SLC9A9: variants seen among roughly 807,000 people sequenced by gnomAD.
The protein encoded by SLC9A9 is solute carrier family 9 member A9.
Under a neutral mutation model 77.8 loss-of-function variants are expected in SLC9A9, and 62 were observed. The observed-to-expected ratio is 0.80, with a 90% CI of 0.65 to 0.98. The LOEUF is 0.98. Among genes scored for constraint, SLC9A9 ranks in the 50% least tolerant of loss-of-function variants. The pLI is 0.00. For missense variants in SLC9A9, 775 were observed against 774.9 expected (o/e 1.00, Z 0.00); for synonymous variants, 320 against 283.5 (o/e 1.13, Z -1.29).
Position 143,437,506 on chromosome 3 carries a change from C to T in SLC9A9, c.1469+29531G>A, listed in dbSNP as rs141154124. 7.9e-5 allele frequency among the ~76,000 whole-genome samples: 12 copies of T among 152,280 alleles called. No individual in the cohort carries two copies. The East Asian group carries it at 1.7e-3, about 22-fold the overall frequency. Reference sequence around the variant, plus strand: ...ACTGCGTCCTGCTTCCTTTGAGGCACGATAGTGTATTGCACTAAAGATCTA... The same window carrying T: ...ACTGCGTCCTGCTTCCTTTGAGGCATGATAGTGTATTGCACTAAAGATCTA... On this transcript the variant is annotated intron_variant, in intron 12 of 15. Coordinates refer to ENST00000316549, the MANE Select transcript of SLC9A9 (RefSeq NM_173653.4).
intron 5 of SLC9A9, among the ~76,000 whole-genome samples, chr3:143,678,280 C>G (rs945173436): frequency 6.6e-6 from 1 of 152,058 alleles, no homozygotes; most frequent in African/African-American, 2.4e-5. Context: ...TTTATGGTGT[C>G]TTTTCCACTT....
chr3:143,800,031 C>A (rs1427114866), intron 2 of SLC9A9, among the ~76,000 whole-genome samples: 1 of 152,202 alleles, frequency 6.6e-6, no homozygotes, highest in Non-Finnish European at 1.5e-5. Flanking sequence ...TCCCCACCTG[C>A]CCAGCTCCCT....
rs183072212 is a variant in SLC9A9 at position 143,795,970 on chromosome 3, T to C, written c.456+856A>G. On this transcript the variant is annotated intron_variant, in intron 3 of 15. Transcript: ENST00000316549. ...CTGGAGTACACACAAGAAAATCAGGTCTGTGATGAACAAGCTGCCTGGCTG... is the reference window on the plus strand; with the variant it reads ...CTGGAGTACACACAAGAAAATCAGGCCTGTGATGAACAAGCTGCCTGGCTG... 3.1e-4 allele frequency among the ~76,000 whole-genome samples: 47 copies of C among 152,098 alleles called. 1 individual carries two copies. The highest frequency in any genetic ancestry group is 6.8e-3 in the Middle Eastern group (2 of 294).
At chr3:143,533,238 G>T (rs187404189) in intron 9 of SLC9A9, among the ~76,000 whole-genome samples, 1 of 152,310 alleles carries the variant, frequency 6.6e-6, no homozygotes, top group East Asian at 1.9e-4. Context: ...GGCTCACAGC[G>T]ACCTGGGGGC....
chr3:143,473,189 T>C (rs1444204619), intron 11 of SLC9A9, among the ~76,000 whole-genome samples: 1 of 152,208 alleles, frequency 6.6e-6, no homozygotes, highest in Non-Finnish European at 1.5e-5. Flanking sequence ...ACAACCTGCC[T>C]GTGCCCCGAA....
chr3:143,726,046 G>A (rs1259348235), intron 4 of SLC9A9, among the ~76,000 whole-genome samples: 1 of 151,684 alleles, frequency 6.6e-6, no homozygotes, highest in Non-Finnish European at 1.5e-5. Context: ...TATATTTACT[G>A]TATAATTTTT....
At chr3:143,616,421 C>T (rs181358441) in intron 6 of SLC9A9, among the ~76,000 whole-genome samples, 336 of 152,284 alleles carry the variant, frequency 2.2e-3, no homozygotes, top group African/African-American at 7.7e-3. Flanking sequence ...GAAAACTCCT[C>T]AAAACAAATG....
chr3:143,608,050 A>G (rs953983950), intron 6 of SLC9A9, among the ~76,000 whole-genome samples: 1 of 152,204 alleles, frequency 6.6e-6, no homozygotes, highest in Admixed American at 6.5e-5. Context: ...ATATATAATG[A>G]AATATTAAAC....
chr3:143,771,820 C>A (rs1049753908), intron 4 of SLC9A9, among the ~76,000 whole-genome samples: 14 of 152,126 alleles, frequency 9.2e-5, no homozygotes, highest in Admixed American at 6.5e-5. Flanking sequence ...CAGAGGACTT[C>A]ACCTCCTTGT....
rs533183607 is a variant in SLC9A9 at position 143,495,422 on chromosome 3, C to T, written c.1116G>A (p.Ala372=). 91 of 1,613,956 alleles carry T rather than the reference C, an allele frequency of 5.6e-5. No homozygotes were observed. The Admixed American group carries it at 8.0e-4, about 14-fold the overall frequency. The change falls in exon 10 of 16, where the codon GCG becomes GCA. Residue 372 remains alanine, a synonymous_variant. Transcript: ENST00000316549. ...KQLFEFMNFL[A]ENVIFCYMGL... ...CCATGTAACAGAAGATGACGTTCTC[C>T]GCCAAAAAGTTCATAAATTCAAACA...
chr3:143,300,477 T>C (rs530308990), intron 14 of SLC9A9, among the ~76,000 whole-genome samples: 1 of 152,354 alleles, frequency 6.6e-6, no homozygotes, highest in Admixed American at 6.5e-5. Flanking sequence ...AAAGGAGTGC[T>C]TCTCAATGTT....
intron 12 of SLC9A9, among the ~76,000 whole-genome samples, chr3:143,465,535 A>G (rs2035267638): frequency 6.6e-6 from 1 of 152,248 alleles, no homozygotes; most frequent in African/African-American, 2.4e-5. Context: ...GGAAATCCTG[A>G]CATCACTACT....
intron 14 of SLC9A9, among the ~76,000 whole-genome samples, chr3:143,293,927 C>T (rs369233386): frequency 6.6e-6 from 1 of 152,048 alleles, no homozygotes; most frequent in South Asian, 2.1e-4. Flanking sequence ...TAGGAACCAG[C>T]GTTAAAAAAA....
chr3:143,600,332 C>T lies in SLC9A9; in HGVS notation c.756-21609G>A, dbSNP rs180798879. On this transcript the variant is annotated intron_variant, in intron 6 of 15. Coordinates refer to ENST00000316549, the MANE Select transcript of SLC9A9 (RefSeq NM_173653.4). ...ATTGAGAATGATGGTTTCCCATCAA[C>T]GATAGATTAGATAAAGAAAATGTGG... is the stretch of plus-strand genomic sequence containing the variant. Among the ~76,000 whole-genome samples, 1,098 of 151,914 alleles carry T rather than the reference C, an allele frequency of 7.2e-3. 7 individuals carry two copies. Among genetic ancestry groups the T allele is most frequent in the African/African-American group, 0.026 (1,063 of 41,398 alleles).
chr3:143,706,605 T>C (rs1184717305), intron 4 of SLC9A9, among the ~76,000 whole-genome samples: 1 of 152,116 alleles, frequency 6.6e-6, no homozygotes, highest in Non-Finnish European at 1.5e-5. Flanking sequence ...CCCGTCCAAA[T>C]CCTGTATCGG....
intron 13 of SLC9A9, among the ~76,000 whole-genome samples, chr3:143,370,567 G>GCACACACACACACACACACACA (rs57705324): frequency 2.1e-5 from 3 of 143,304 alleles, no homozygotes; most frequent in African/African-American, 5.2e-5. Flanking sequence ...GCATGTGCGC[G>GCACACACACACACACACACACA]CACACACACA....
chr3:143,610,045 C>T (rs995102148), intron 6 of SLC9A9, among the ~76,000 whole-genome samples: 28 of 152,176 alleles, frequency 1.8e-4, no homozygotes, highest in South Asian at 2.1e-4. Flanking sequence ...CCCCTTCCTT[C>T]GCAAGCACCA....
At chr3:143,341,153 G>A (rs2032085705) in intron 14 of SLC9A9, among the ~76,000 whole-genome samples, 1 of 152,144 alleles carries the variant, frequency 6.6e-6, no homozygotes, top group Non-Finnish European at 1.5e-5. Flanking sequence ...TCTCAGGATA[G>A]CATTAATTTG....
intron 14 of SLC9A9, among the ~76,000 whole-genome samples, chr3:143,303,252 G>A (rs981559624): frequency 5.3e-5 from 8 of 152,250 alleles, no homozygotes; most frequent in Admixed American, 2.6e-4. Flanking sequence ...GTTGGGGCTG[G>A]GGAGGGGTGT....
Sources: allele counts gnomAD v4.1 joint callset (sites outside exome capture counted in the v4.1 genomes callset), GRCh38; gene constraint gnomAD v4.1.1; transcripts MANE v1.5; gene names NCBI Gene and HGNC (gene_info 2026-07-23, HGNC 2026-07-21).